GRIK4: variants seen among roughly 807,000 people sequenced by gnomAD.
GRIK4 encodes glutamate receptor ionotropic, kainate 4.
In GRIK4, 40 loss-of-function variants were observed where a neutral mutation model predicts 104.9. That is an observed-to-expected ratio of 0.38 (90% CI 0.30 to 0.50). GRIK4 has a LOEUF of 0.50. Ranked by LOEUF, GRIK4 falls within the 20% of genes least tolerant of loss-of-function variation. GRIK4 has a pLI of 0.93. For missense variants in GRIK4, 1,047 were observed against 1,308.1 expected, an observed-to-expected ratio of 0.80 and a Z score of 3.08; for synonymous variants, 485 against 524.9, an observed-to-expected ratio of 0.92 and a Z score of 1.04.
intron 3 of GRIK4, among the ~76,000 whole-genome samples, chr11:120,691,328 G>C (rs1950359424): frequency 1.3e-5 from 2 of 152,306 alleles, no homozygotes; most frequent in Non-Finnish European, 1.5e-5. Flanking sequence ...AGGGTGGAAG[G>C]AGGAGGGAAC....
chr11:120,653,107 A>G (rs1033063443), intron 1 of GRIK4, among the ~76,000 whole-genome samples: 5 of 152,260 alleles, frequency 3.3e-5, no homozygotes, highest in African/African-American at 9.6e-5. Context: ...TCATGCATGC[A>G]TGCATTTGAC....
intron 3 of GRIK4, among the ~76,000 whole-genome samples, chr11:120,799,965 A>G (rs1174183449): frequency 2.0e-5 from 3 of 151,056 alleles, no homozygotes; most frequent in Non-Finnish European, 4.4e-5. Flanking sequence ...CTCCTGCCTC[A>G]GCACCCCGAG....
At position 120,953,089 on chromosome 11, in the gene GRIK4, T is replaced by C. The variant is rs1944047263; in HGVS notation, c.1700+125T>C. 2 of 658,362 alleles carry C rather than the reference T, an allele frequency of 3.0e-6. No homozygotes were observed. Among genetic ancestry groups the C allele is most frequent in the Non-Finnish European group, 5.4e-6 (2 of 373,068 alleles). 40.8% of individuals were successfully genotyped at this position (658,362 alleles called of 1,614,324 possible). ...AGTTGGGAAGATCTTGGTGCCAAAC[T>C]AGAAGGACAGGAGAAGGACTGGGGG... On this transcript the variant is annotated intron_variant, in intron 15 of 20. Transcript: ENST00000527524. This position sits in a 1 kb window ranked among gnomAD's most constrained non-coding sequence, Gnocchi z 4.9.
chr11:120,561,624 G>T (rs904060618), intron 1 of GRIK4, among the ~76,000 whole-genome samples: 1 of 152,200 alleles, frequency 6.6e-6, no homozygotes, highest in Non-Finnish European at 1.5e-5. Context: ...CCACACCTTC[G>T]GGGGCAGCCC....
intron 13 of GRIK4, among the ~76,000 whole-genome samples, chr11:120,928,659 C>T (rs1445110256): frequency 6.6e-6 from 1 of 152,118 alleles, no homozygotes; most frequent in African/African-American, 2.4e-5. Context: ...CTTTCCTTAG[C>T]GCTGGTTCGT....
chr11:120,724,222 C>G (rs151065895), intron 3 of GRIK4, among the ~76,000 whole-genome samples: 1 of 152,284 alleles, frequency 6.6e-6, no homozygotes, highest in African/African-American at 2.4e-5. Context: ...GATCGTAGCT[C>G]ACTGTAACCA....
chr11:120,831,814 T>C (rs1565379713), intron 6 of GRIK4, 38 bp from the exon 7 acceptor site: 3 of 1,564,594 alleles, frequency 1.9e-6, no homozygotes, highest in Non-Finnish European at 2.6e-6. Flanking sequence ...GAGGCAGCTC[T>C]GTGGACCCTC....
At chr11:120,684,602 T>G (rs1024359738) in intron 3 of GRIK4, among the ~76,000 whole-genome samples, 1 of 152,230 alleles carries the variant, frequency 6.6e-6, no homozygotes, top group African/African-American at 2.4e-5. Flanking sequence ...TCTAAATATA[T>G]GGTAAAGAGC....
chr11:120,855,337 T>C (rs1366003725), intron 8 of GRIK4, among the ~76,000 whole-genome samples: 1 of 152,214 alleles, frequency 6.6e-6, no homozygotes, highest in Admixed American at 6.5e-5. Flanking sequence ...TTTTCTGGGT[T>C]CTTCATGCTG....
At chr11:120,600,237 C>G (rs1284727194) in intron 1 of GRIK4, among the ~76,000 whole-genome samples, 2 of 152,194 alleles carry the variant, frequency 1.3e-5, no homozygotes, top group Admixed American at 6.5e-5. Context: ...CCTCCACCCA[C>G]CAGGCTTCCG....
At position 120,563,184 on chromosome 11, in the gene GRIK4, A is replaced by T. The variant is rs1591696098; in HGVS notation, c.-159+51297A>T. 2.6e-5 allele frequency among the ~76,000 whole-genome samples: 4 copies of T among 152,312 alleles called. No individual in the cohort carries two copies. In the East Asian group the frequency reaches 7.7e-4, roughly 29 times the overall value. On this transcript the variant is annotated intron_variant, in intron 1 of 20. Transcript: ENST00000527524. ...TCTATTAGACATACTCGCAGTGTCT[A>T]GTATCAGCCTCTTTGTCCATGTGGG...
At chr11:120,701,191 AT>A (rs1479936950) in intron 3 of GRIK4, among the ~76,000 whole-genome samples, 1 of 152,128 alleles carries the variant, frequency 6.6e-6, no homozygotes, top group African/African-American at 2.4e-5. Context: ...ATTAACTTTA[AT>A]CTTCATTTTG....
At chr11:120,918,343 C>T (rs1232981397) in intron 13 of GRIK4, among the ~76,000 whole-genome samples, 1 of 152,236 alleles carries the variant, frequency 6.6e-6, no homozygotes, top group Non-Finnish European at 1.5e-5. Flanking sequence ...TTCTGATGTA[C>T]TTACCATCCT....
At chr11:120,596,177 G>A (rs10790387) in intron 1 of GRIK4, among the ~76,000 whole-genome samples, 152,381 of 152,382 alleles carry the variant, frequency 1, 76,190 homozygotes, top group Non-Finnish European at 1. Context: ...CGTATCCCTA[G>A]CATGCAGCCT....
At chr11:120,658,783 C>T (rs1304518066) in intron 2 of GRIK4, among the ~76,000 whole-genome samples, 1 of 122,206 alleles carries the variant, frequency 8.2e-6, no homozygotes, top group Non-Finnish European at 1.6e-5. Flanking sequence ...GAGTCTCGCT[C>T]TGTCCCCCAG....
At chr11:120,732,413 G>A (rs1275055208) in intron 3 of GRIK4, among the ~76,000 whole-genome samples, 2 of 152,212 alleles carry the variant, frequency 1.3e-5, no homozygotes, top group Non-Finnish European at 2.9e-5. Flanking sequence ...TTACAGGTGT[G>A]AGCCACCATG....
chr11:120,517,998 G>T (rs747830045), intron 1 of GRIK4, among the ~76,000 whole-genome samples: 12 of 152,180 alleles, frequency 7.9e-5, no homozygotes, highest in Non-Finnish European at 1.6e-4. Flanking sequence ...GGAAGATAGG[G>T]CACATCTGGA....
intron 1 of GRIK4, among the ~76,000 whole-genome samples, chr11:120,527,170 G>T (rs1184811665): frequency 6.6e-6 from 1 of 152,234 alleles, no homozygotes; most frequent in East Asian, 1.9e-4. Flanking sequence ...CCCTGATCCC[G>T]CCTCGGCTTG....
intron 1 of GRIK4, among the ~76,000 whole-genome samples, chr11:120,562,065 G>A (rs1209044942): frequency 6.6e-6 from 1 of 152,150 alleles, no homozygotes; most frequent in Non-Finnish European, 1.5e-5. Flanking sequence ...CTGACACTGA[G>A]GGCGTACACA....
Sources: gnomAD v4.1 joint callset for allele counts (sites outside exome capture counted in the v4.1 genomes callset) on GRCh38, gnomAD v4.1.1 for gene constraint, Gnocchi (gnomAD v3.1) non-coding constraint, MANE v1.5 for transcripts, NCBI Gene and HGNC (gene_info 2026-07-23, HGNC 2026-07-21) for gene names.